Variants in GBE1 observed in about 807,000 individuals in gnomAD.
The protein encoded by GBE1 is 1,4-alpha-glucan-branching enzyme.
Under a neutral mutation model 88.8 loss-of-function variants are expected in GBE1, and 70 were observed. The observed-to-expected ratio is 0.79, with a 90% CI of 0.65 to 0.96. The LOEUF (loss-of-function observed/expected upper bound fraction) is 0.96. Ranked by LOEUF, GBE1 falls within the 40% of genes least tolerant of loss-of-function variation. GBE1 has a pLI of 0.00. For missense variants in GBE1, 872 were observed against 871.0 expected, an observed-to-expected ratio of 1.00 and a Z score of -0.01; for synonymous variants, 284 against 300.1, an observed-to-expected ratio of 0.95 and a Z score of 0.56.
chr3:81,546,165 C>T (rs1434783756), intron 12 of GBE1, among the ~76,000 whole-genome samples: 1 of 151,822 alleles, frequency 6.6e-6, no homozygotes, highest in Admixed American at 6.6e-5. Flanking sequence ...CACTGAAGAA[C>T]ATACCCCAGT....
chr3:81,595,940 G>C (rs1224262790), intron 7 of GBE1, among the ~76,000 whole-genome samples: 1 of 151,928 alleles, frequency 6.6e-6, no homozygotes, highest in Non-Finnish European at 1.5e-5. Context: ...AAGTTCTCAT[G>C]AGTTAGAAAC....
chr3:81,596,856 T>C (rs1703963327), intron 7 of GBE1, among the ~76,000 whole-genome samples: 5 of 151,924 alleles, frequency 3.3e-5, no homozygotes, highest in Admixed American at 2.6e-4. Context: ...GATCACTGAA[T>C]CTAAGATTTG....
intron 2 of GBE1, among the ~76,000 whole-genome samples, chr3:81,689,207 C>T (rs1705483664): frequency 6.6e-6 from 1 of 152,162 alleles, no homozygotes; most frequent in South Asian, 2.1e-4. Context: ...CTATGTCATG[C>T]TGATACAGGC....
chr3:81,748,106 C>A (rs373982081), intron 1 of GBE1, among the ~76,000 whole-genome samples: 83 of 151,790 alleles, frequency 5.5e-4, no homozygotes, highest in African/African-American at 1.8e-3. Flanking sequence ...GACAACAGGG[C>A]AAGACTCATC....
chr3:81,494,489 A>C (rs1004177495), intron 15 of GBE1, among the ~76,000 whole-genome samples: 8 of 152,204 alleles, frequency 5.3e-5, no homozygotes, highest in African/African-American at 1.7e-4. Flanking sequence ...ATTTAAGTAT[A>C]TTTAAATATA....
intron 7 of GBE1, chr3:81,612,118 T>C (rs1270444239): frequency 1.4e-5 from 4 of 286,034 alleles, no homozygotes. Flanking sequence ...ATAGGAATAT[T>C]AGAACTTTTT....
At chr3:81,698,615 T>A (rs1705638843) in intron 2 of GBE1, among the ~76,000 whole-genome samples, 1 of 152,184 alleles carries the variant, frequency 6.6e-6, no homozygotes, top group Non-Finnish European at 1.5e-5. Context: ...TCATAGATCA[T>A]CACTTTATAT....
chr3:81,645,180 A>G (rs181839844), intron 6 of GBE1, among the ~76,000 whole-genome samples: 1 of 152,320 alleles, frequency 6.6e-6, no homozygotes, highest in Non-Finnish European at 1.5e-5. Flanking sequence ...ATGAGACTTG[A>G]TGAGATCCTC....
intron 2 of GBE1, among the ~76,000 whole-genome samples, chr3:81,686,391 C>T (rs1705440532): frequency 1.3e-5 from 2 of 152,076 alleles, no homozygotes; most frequent in Non-Finnish European, 2.9e-5. Context: ...GGGGTCCTAA[C>T]ATCTACCATT....
intron 14 of GBE1, among the ~76,000 whole-genome samples, chr3:81,527,174 A>T (rs1399723521): frequency 6.6e-6 from 1 of 152,190 alleles, no homozygotes; most frequent in Non-Finnish European, 1.5e-5. Flanking sequence ...CATATGCAGA[A>T]AGGTGAAACT....
intron 10 of GBE1, among the ~76,000 whole-genome samples, chr3:81,584,952 A>G (rs1703781970): frequency 2.0e-5 from 3 of 152,266 alleles, no homozygotes; most frequent in South Asian, 4.1e-4. Context: ...TCTACATGAA[A>G]AAACTAGAAA....
chr3:81,666,324 G>A (rs1298982054), intron 3 of GBE1, among the ~76,000 whole-genome samples: 3 of 152,066 alleles, frequency 2.0e-5, no homozygotes, highest in African/African-American at 7.2e-5. Flanking sequence ...TATAAGAAGG[G>A]CTACTTTTCT....
chr3:81,652,174 G>A (rs1704859946), intron 3 of GBE1, among the ~76,000 whole-genome samples: 2 of 152,368 alleles, frequency 1.3e-5, no homozygotes, highest in South Asian at 4.1e-4. Context: ...CAGCTATGAT[G>A]TGAACCCAAC....
At position 81,531,452 on chromosome 3, in the gene GBE1, G is replaced by C. The variant is rs114265747; in HGVS notation, c.1934+3743C>G. On this transcript the variant is annotated intron_variant, in intron 14 of 15. Transcript: ENST00000429644. ...GCCGGGTCACATCTGAAGCCAACAT[G>C]GTTCTGGGTCTCATCAAAGGCCTGT... Among the ~76,000 whole-genome samples, 1,115 of 151,934 alleles carry C rather than the reference G, an allele frequency of 7.3e-3. 13 individuals are homozygous for C. The highest frequency in any genetic ancestry group is 0.027 in the Middle Eastern group (8 of 294).
intron 14 of GBE1, among the ~76,000 whole-genome samples, chr3:81,533,231 C>T (rs953959890): frequency 3.9e-5 from 6 of 152,162 alleles, no homozygotes; most frequent in Non-Finnish European, 5.9e-5. Context: ...AGAAGGATCA[C>T]GCACAAATTG....
At chr3:81,593,753 A>G (rs768741641) in intron 8 of GBE1, among the ~76,000 whole-genome samples, 155 bp downstream of exon 8, 1 of 152,172 alleles carries the variant, frequency 6.6e-6, no homozygotes, top group Non-Finnish European at 1.5e-5. Context: ...TTGTTTACTT[A>G]TAAAATGTAC....
rs144107619 is a variant in GBE1, at chr3:81,561,845, C to G, written c.1618+16080G>C. 4.1e-3 allele frequency among the ~76,000 whole-genome samples: 630 copies of G among 152,158 alleles called. 7 individuals carry two copies. The highest frequency in any genetic ancestry group is 0.014 in the African/African-American group (572 of 41,532). ...CCCTCATTCTGTTTCACCTTCTTAGCTTTGTGTAGCCACCATTCCAGTGAT... is the reference window on the plus strand; with the variant it reads ...CCCTCATTCTGTTTCACCTTCTTAGGTTTGTGTAGCCACCATTCCAGTGAT... On this transcript the variant is annotated intron_variant, in intron 12 of 15. Transcript: ENST00000429644.
intron 12 of GBE1, among the ~76,000 whole-genome samples, chr3:81,542,703 C>T (rs1703157414): frequency 6.6e-6 from 1 of 151,780 alleles, no homozygotes. Flanking sequence ...CTACTAGAGG[C>T]AGGAGAGAGA....
At chr3:81,717,955 T>TTTTA (rs57810073) in intron 1 of GBE1, among the ~76,000 whole-genome samples, 18,329 of 146,924 alleles carry the variant, frequency 0.12, 1,205 homozygotes, top group Non-Finnish European at 0.15. Flanking sequence ...GGAAATTTTA[T>TTTTA]TTTATTTATT....
Sources: gnomAD v4.1 joint callset for allele counts (sites outside exome capture counted in the v4.1 genomes callset) on GRCh38, gnomAD v4.1.1 for gene constraint, MANE v1.5 for transcripts, NCBI Gene and HGNC (gene_info 2026-07-23, HGNC 2026-07-21) for gene names.